Variants in NFRKB observed in about 807,000 individuals in gnomAD.
NFRKB encodes the protein nuclear factor related to kappaB binding protein.
Under a neutral mutation model 135.7 loss-of-function variants are expected in NFRKB, and 62 were observed. The observed-to-expected ratio is 0.46, with a 90% CI of 0.37 to 0.56. The LOEUF is 0.56. NFRKB is among the 20% of genes least tolerant of loss of function. NFRKB has a pLI of 0.00. For missense variants in NFRKB, 1,545 were observed against 1,662.0 expected (o/e 0.93, Z 1.22); for synonymous variants, 678 against 635.6 (o/e 1.07, Z -1.00).
chr11:129,864,962 T>C lies in NFRKB; in HGVS notation c.3774+4A>G. The C allele has an allele frequency of 1.2e-6, 2 of 1,613,388 alleles. No homozygotes were observed. Among genetic ancestry groups the C allele is most frequent in the Non-Finnish European group, 1.7e-6 (2 of 1,179,666 alleles). On this transcript the variant is annotated splice_donor_region_variant and intron_variant, in intron 26 of 26. Transcript: ENST00000682444. ...TATGGCCAAGAATTTGCCCTGGGCC[T>C]TACCTGTGTGGCCTGACCTTGCTGC... is the stretch of plus-strand genomic sequence containing the variant.
rs769779510 is a variant in NFRKB at position 129,885,537 on chromosome 11, T to C, written c.538A>G (p.Thr180Ala). 2 of 1,613,972 alleles carry C rather than the reference T, an allele frequency of 1.2e-6. No homozygotes were observed. Among genetic ancestry groups the C allele is most frequent in the Non-Finnish European group, 1.7e-6 (2 of 1,179,952 alleles). The change falls in exon 6 of 27, where the codon ACA becomes GCA. Residue 180 changes from threonine (T) to alanine (A), a missense_variant. Thr to Ala is a moderately conservative substitution (Grantham distance 58). This residue lies in a region of NFRKB where 678 missense variants were observed against 646.7 expected (regional missense o/e 1.05). Coordinates refer to ENST00000682444, the MANE Select transcript of NFRKB (RefSeq NM_001143835.2). ...FRQKRPSPSR[T>A]PEEREWRTQQ... is the part of the protein sequence containing the mutation. ...GTCCGCCACTCCCGCTCCTCAGGTG[T>C]GCGGGATGGTGAAGGGCGTTTCTGC...
intron 2 of NFRKB, chr11:129,893,085 T>C (rs911402295): frequency 4.2e-5 from 60 of 1,415,690 alleles, no homozygotes; most frequent in Non-Finnish European, 4.4e-5. Context: ...TTTCTCAGAA[T>C]GCTCCTACAG....
rs1949039760 is a variant in NFRKB, at chr11:129,881,769, A to T, written c.1276T>A (p.Leu426Met). Reference sequence around the variant, plus strand: ...AGATACTGCAGGGCTGGTAGTACCAACTCAGCCCAGTTGGGGGCCGCAGAG... The same window carrying T: ...AGATACTGCAGGGCTGGTAGTACCATCTCAGCCCAGTTGGGGGCCGCAGAG... ...WFSAAPNWAELVLPALQYLAG... is the reference protein window; with the variant it reads ...WFSAAPNWAEMVLPALQYLAG... Residue 426 changes from leucine (L) to methionine (M), a missense_variant, in exon 12 of 27, where the codon TTG (leucine) becomes ATG (methionine). This residue lies in a region of NFRKB where 678 missense variants were observed against 646.7 expected (regional missense o/e 1.05). Coordinates refer to ENST00000682444, the MANE Select transcript of NFRKB (RefSeq NM_001143835.2). 6.2e-7 allele frequency: 1 copy of T among 1,614,106 alleles called. No homozygotes were observed. The highest frequency in any genetic ancestry group is 8.5e-7 in the Non-Finnish European group (1 of 1,179,990).
rs1434748494 is a variant in NFRKB at position 129,874,516 on chromosome 11, C to A, written c.2043G>T (p.Lys681Asn). Residue 681 changes from lysine to asparagine, a missense_variant, in exon 20 of 27, where the codon AAG (lysine) becomes AAT (asparagine). Transcript: ENST00000682444. This position sits in a 1 kb window ranked among gnomAD's most constrained non-coding sequence, Gnocchi z 4.5. ...AGTCACTTACCACCTTGGATGGGGG[C>A]TTGGGTTTTTGCTGAAGAGCTTTTC... ...KARKALQQKP[K>N]PPSKVKSSSK... 6.2e-7 allele frequency: 1 copy of A among 1,614,062 alleles called. No homozygotes were observed. The highest frequency in any genetic ancestry group is 8.5e-7 in the Non-Finnish European group (1 of 1,179,984).
intron 4 of NFRKB, among the ~76,000 whole-genome samples, chr11:129,887,003 G>A (rs532202473): frequency 6.6e-6 from 1 of 152,142 alleles, no homozygotes; most frequent in Admixed American, 6.6e-5. Context: ...AATATAATGC[G>A]ATTTCAGGTG....
chr11:129,876,224 G>C (rs1251197131), intron 17 of NFRKB, among the ~76,000 whole-genome samples: 1 of 152,170 alleles, frequency 6.6e-6, no homozygotes, highest in Non-Finnish European at 1.5e-5. Context: ...CCTCCTGCTA[G>C]ATCTTGTCAT....
Position 129,865,067 on chromosome 11 carries a change from TTG to T in NFRKB, c.3671_3672del (p.Thr1224AsnfsTer7). On this transcript the variant is annotated frameshift_variant, in exon 26 of 27. Coordinates refer to ENST00000682444, the MANE Select transcript of NFRKB (RefSeq NM_001143835.2). LOFTEE classifies it high-confidence loss of function. ...ATGAGCTTAGTGCCTGCTGGCATAGTTGTGAGGATGATGTTGCGGCCCAACCC... is the reference window on the plus strand; with the variant it reads ...ATGAGCTTAGTGCCTGCTGGCATAGTTGAGGATGATGTTGCGGCCCAACCC... The part of the protein sequence containing the change: ...LSGLGRNIIL[T>X]TMPAGTKLIA... 1 of 1,611,738 alleles carries T rather than the reference TTG, an allele frequency of 6.2e-7. No homozygotes were observed. The highest frequency in any genetic ancestry group is 8.5e-7 in the Non-Finnish European group (1 of 1,179,304).
intron 13 of NFRKB, among the ~76,000 whole-genome samples, chr11:129,879,390 T>C (rs1274513557): frequency 6.6e-6 from 1 of 152,146 alleles, no homozygotes; most frequent in African/African-American, 2.4e-5. Context: ...CCTCCATGGC[T>C]ACTGCAGCCT....
At position 129,864,441 on chromosome 11, in the gene NFRKB, T is replaced by C; in HGVS notation, c.*284A>G. The C allele has an allele frequency of 2.7e-6, 1 of 368,640 alleles. No individual in the cohort carries two copies. The allele number at this position is 368,640 out of a possible 1,614,324, so 22.8% of individuals were successfully genotyped here. On this transcript the variant is annotated 3_prime_UTR_variant, in exon 27 of 27. Transcript: ENST00000682444. ...TCCCTGGGGGTCTTACTCTCAGAAC[T>C]CTGGCTTGTTGGACGTAACTGGTAA... is the stretch of plus-strand genomic sequence containing the variant.
chr11:129,865,093 C>A lies in NFRKB; in HGVS notation c.3647G>T (p.Gly1216Val). 1 of 1,609,052 alleles carries A rather than the reference C, an allele frequency of 6.2e-7. No homozygotes were observed. The highest frequency in any genetic ancestry group is 8.5e-7 in the Non-Finnish European group (1 of 1,177,234). ...IKGNLGANLS[G>V]LGRNIILTTM... is the part of the protein sequence containing the mutation. ...TGTGAGGATGATGTTGCGGCCCAAC[C>A]CACTGAGGCTGTGGAGGGAAAGCAG... The change falls in exon 26 of 27, where the codon GGG becomes GTG. Residue 1216 changes from glycine to valine, a missense_variant. Around this residue, in one of 3 missense-constraint regions of NFRKB, gnomAD observed 753 missense variants for 804.3 expected, o/e 0.94. Coordinates refer to ENST00000682444, the MANE Select transcript of NFRKB (RefSeq NM_001143835.2).
chr11:129,884,679 C>G, intron 7 of NFRKB, 66 bp downstream of exon 7: 1 of 1,586,966 alleles, frequency 6.3e-7, no homozygotes, highest in Non-Finnish European at 8.6e-7. Flanking sequence ...CCACCTCCCT[C>G]TAAAGGAGTT....
At chr11:129,869,165 T>C (rs1421550288) in intron 24 of NFRKB, among the ~76,000 whole-genome samples, 1 of 152,218 alleles carries the variant, frequency 6.6e-6, no homozygotes, top group East Asian at 1.9e-4. Context: ...TTAGTCTTCA[T>C]GAAGGGAGAA....
chr11:129,867,217 A>C (rs1172395114), intron 24 of NFRKB, among the ~76,000 whole-genome samples: 1 of 152,118 alleles, frequency 6.6e-6, no homozygotes, highest in Non-Finnish European at 1.5e-5. Context: ...GACACTTGAT[A>C]TAACCTTTCT....
chr11:129,879,615 C>T (rs1296387335), intron 13 of NFRKB, among the ~76,000 whole-genome samples: 1 of 152,190 alleles, frequency 6.6e-6, no homozygotes, highest in Non-Finnish European at 1.5e-5. Context: ...TCTCCTGGCT[C>T]CCAAGACTCA....
In NFRKB at chr11:129,874,419, C is replaced by A; in HGVS notation, c.2058+82G>T. 6.4e-7 allele frequency: 1 copy of A among 1,553,004 alleles called. No homozygotes were observed. Among genetic ancestry groups the A allele is most frequent in the Non-Finnish European group, 8.7e-7 (1 of 1,151,074 alleles). On this transcript the variant is annotated intron_variant, in intron 20 of 26. Coordinates refer to ENST00000682444, the MANE Select transcript of NFRKB (RefSeq NM_001143835.2). This position sits in a 1 kb window ranked among gnomAD's most constrained non-coding sequence, Gnocchi z 4.5. ...CACCCCTACAGCTCCTGATGCCCCA[C>A]ACCAAGTGAAAGCCGAGCAGCCACT...
chr11:129,879,072 T>C (rs1948906739), intron 13 of NFRKB, among the ~76,000 whole-genome samples: 1 of 152,096 alleles, frequency 6.6e-6, no homozygotes, highest in Admixed American at 6.6e-5. Flanking sequence ...ATAAGCCCTG[T>C]CTCCTGTGCC....
chr11:129,887,366 C>T (rs753127839), intron 4 of NFRKB, among the ~76,000 whole-genome samples: 2 of 152,186 alleles, frequency 1.3e-5, no homozygotes, highest in Non-Finnish European at 2.9e-5. Context: ...AGTATCCTTA[C>T]AAGCAAGAGG....
chr11:129,876,089 A>G (rs1274751022), intron 17 of NFRKB, among the ~76,000 whole-genome samples: 1 of 152,190 alleles, frequency 6.6e-6, no homozygotes, highest in Non-Finnish European at 1.5e-5. Context: ...AAGGGAACAA[A>G]CCATATACTG....
At position 129,873,113 on chromosome 11, in the gene NFRKB, G is replaced by A. The variant is rs1175671216; in HGVS notation, c.2551-17C>T. The A allele has an allele frequency of 1.9e-6, 3 of 1,568,642 alleles. No homozygotes were observed. The highest frequency in any genetic ancestry group is 2.3e-5 in the East Asian group (1 of 42,900). On this transcript the variant is annotated splice_polypyrimidine_tract_variant and intron_variant, in intron 22 of 26. Coordinates refer to ENST00000682444, the MANE Select transcript of NFRKB (RefSeq NM_001143835.2). The stretch of plus-strand genomic sequence containing the variant: ...CATTACTGTCTAGTTGAGGGCATGA[G>A]GCCAAGAGCTTAATTAGACTCTAAG...
Sources: allele counts gnomAD v4.1 joint callset (sites outside exome capture counted in the v4.1 genomes callset), GRCh38; gene constraint gnomAD v4.1.1; regional missense constraint gnomAD v4.1.1; non-coding constraint Gnocchi (gnomAD v3.1); transcripts MANE v1.5; gene names NCBI Gene and HGNC (gene_info 2026-07-23, HGNC 2026-07-21).